Variants in RSU1 observed in about 807,000 individuals in gnomAD.
The protein encoded by RSU1 is Ras suppressor protein 1.
In RSU1, 26 loss-of-function variants were observed where a neutral mutation model predicts 31.1. That is an observed-to-expected ratio of 0.84 (90% CI 0.61 to 1.16). The LOEUF (loss-of-function observed/expected upper bound fraction) is 1.16. Among genes scored for constraint, RSU1 ranks in the 50% most tolerant of loss-of-function variants. The pLI is 0.00. For missense variants in RSU1, 320 were observed against 339.1 expected (o/e 0.94, Z 0.44); for synonymous variants, 164 against 136.3 (o/e 1.20, Z -1.41).
At chr10:16,619,306 G>A (rs371914221) in intron 8 of RSU1, among the ~76,000 whole-genome samples, 7 of 152,314 alleles carry the variant, frequency 4.6e-5, no homozygotes, top group African/African-American at 1.4e-4. Context: ...TCACCTCACA[G>A]TCTTCTCCAC....
At chr10:16,729,274 T>C (rs7893556) in intron 7 of RSU1, among the ~76,000 whole-genome samples, 95,755 of 152,130 alleles carry the variant, frequency 0.63, 31,684 homozygotes, top group East Asian at 0.84. Context: ...ACATTATTAG[T>C]GATATTGCAA....
chr10:16,757,603 G>C (rs1837124199), intron 4 of RSU1, among the ~76,000 whole-genome samples: 1 of 152,220 alleles, frequency 6.6e-6, no homozygotes, highest in African/African-American at 2.4e-5. Flanking sequence ...GTAAGATGGA[G>C]CTTGTCATTA....
chr10:16,633,516 A>G (rs532012034), intron 8 of RSU1, among the ~76,000 whole-genome samples: 2 of 152,202 alleles, frequency 1.3e-5, no homozygotes, highest in East Asian at 1.9e-4. Context: ...TCTTCTTATC[A>G]TGGAAGAAAG....
At chr10:16,665,080 A>C (rs763342107) in intron 8 of RSU1, among the ~76,000 whole-genome samples, 1 of 152,172 alleles carries the variant, frequency 6.6e-6, no homozygotes, top group Middle Eastern at 3.4e-3. Context: ...AGTAGCTGGG[A>C]TTACAGGCGC....
chr10:16,695,157 T>TGGTG lies in RSU1; in HGVS notation c.599-3_599-2insCACC. 8.3e-7 allele frequency: 1 copy of TGGTG among 1,202,572 alleles called. No homozygotes were observed. Among genetic ancestry groups the TGGTG allele is most frequent in the Non-Finnish European group, 1.1e-6 (1 of 890,704 alleles). The allele number at this position is 1,202,572 out of a possible 1,614,324, so 74.5% of individuals were successfully genotyped here. A position where few individuals can be genotyped will look rare whatever the true frequency, so the allele number is the denominator to read the frequency against. ...TCTGGCCAGTTAAATCCAAGTTTCC[T>TGGTG]GGGGGGGGGGAAAAAAAAAGTGAAG... On this transcript the variant is annotated splice_polypyrimidine_tract_variant and splice_region_variant and intron_variant, in intron 7 of 8. Transcript: ENST00000345264.
chr10:16,688,379 G>A (rs1197819005), intron 8 of RSU1, among the ~76,000 whole-genome samples: 1 of 152,120 alleles, frequency 6.6e-6, no homozygotes, highest in Admixed American at 6.5e-5. Flanking sequence ...GGCCGAGGCG[G>A]ACGGGTCACG....
intron 7 of RSU1, among the ~76,000 whole-genome samples, chr10:16,698,480 T>C (rs1564322032): frequency 1.3e-5 from 2 of 152,114 alleles, no homozygotes; most frequent in Non-Finnish European, 2.9e-5. Context: ...GTCTTTTCAG[T>C]GGTAATCCTC....
intron 2 of RSU1, among the ~76,000 whole-genome samples, chr10:16,798,635 T>C (rs1272423345): frequency 6.6e-6 from 1 of 152,214 alleles, no homozygotes. Context: ...ATTAAACCTC[T>C]TTCCTTCATA....
At chr10:16,732,348 T>C (rs988753637) in intron 7 of RSU1, among the ~76,000 whole-genome samples, 1 of 152,196 alleles carries the variant, frequency 6.6e-6, no homozygotes, top group Non-Finnish European at 1.5e-5. Context: ...TAAGTGCTAA[T>C]GTGATGGTAT....
At chr10:16,686,966 G>C (rs1212671543) in intron 8 of RSU1, among the ~76,000 whole-genome samples, 1 of 152,188 alleles carries the variant, frequency 6.6e-6, no homozygotes, top group Admixed American at 6.5e-5. Context: ...AAGGAGCATA[G>C]GGTTTTTTCT....
At chr10:16,797,093 G>A (rs1284513777) in intron 2 of RSU1, among the ~76,000 whole-genome samples, 1 of 152,206 alleles carries the variant, frequency 6.6e-6, no homozygotes, top group African/African-American at 2.4e-5. Context: ...CTGCAGTAGG[G>A]TCTGATGGAT....
intron 7 of RSU1, chr10:16,721,522 G>T (rs1016739232): frequency 6.6e-6 from 1 of 152,174 alleles, no homozygotes; most frequent in African/African-American, 2.4e-5. Flanking sequence ...CCAAACACAG[G>T]CTTCCTGGCA....
At chr10:16,638,086 A>C (rs1834377254) in intron 8 of RSU1, among the ~76,000 whole-genome samples, 3 of 152,158 alleles carry the variant, frequency 2.0e-5, no homozygotes. Flanking sequence ...AGAAGATTGT[A>C]GCGATGTACT....
At chr10:16,717,838 A>C (rs1473706314) in intron 7 of RSU1, among the ~76,000 whole-genome samples, 2 of 152,070 alleles carry the variant, frequency 1.3e-5, no homozygotes, top group East Asian at 1.9e-4. Context: ...TCCTAACACA[A>C]AAAAAACGCA....
chr10:16,697,056 C>G (rs1222252152), intron 7 of RSU1, among the ~76,000 whole-genome samples: 1 of 152,080 alleles, frequency 6.6e-6, no homozygotes, highest in Non-Finnish European at 1.5e-5. Context: ...AAGAAGCCAT[C>G]CCTTTAAAAA....
At chr10:16,625,834 T>C (rs1484515198) in intron 8 of RSU1, among the ~76,000 whole-genome samples, 1 of 152,074 alleles carries the variant, frequency 6.6e-6, no homozygotes, top group Non-Finnish European at 1.5e-5. Flanking sequence ...AACACAAGAT[T>C]GAAATCAATC....
intron 8 of RSU1, among the ~76,000 whole-genome samples, chr10:16,668,212 A>G (rs1194017904): frequency 2.6e-5 from 4 of 152,220 alleles, no homozygotes; most frequent in African/African-American, 9.6e-5. Context: ...TAAGTATTCA[A>G]TGAACATTAG....
At chr10:16,802,511 T>C (rs1838179567) in intron 2 of RSU1, among the ~76,000 whole-genome samples, 1 of 152,146 alleles carries the variant, frequency 6.6e-6, no homozygotes, top group Non-Finnish European at 1.5e-5. Flanking sequence ...GAAGAAATTA[T>C]ACCAATTCTC....
At position 16,643,731 on chromosome 10, in the gene RSU1, G is replaced by A. The variant is rs554972981; in HGVS notation, c.732-50235C>T. ...ACTTGGAACATGGTTCTCCAAATGC[G>A]CATACTAAGAGCACCTGCCTTAAAG... On this transcript the variant is annotated intron_variant, in intron 8 of 8. Coordinates refer to ENST00000345264, the MANE Select transcript of RSU1 (RefSeq NM_012425.4). Among the ~76,000 whole-genome samples, 5 of 152,030 alleles carry A rather than the reference G, an allele frequency of 3.3e-5. No individual in the cohort carries two copies. In the South Asian group the frequency reaches 6.2e-4, roughly 19 times the overall value.
Sources: gnomAD v4.1 joint callset for allele counts (sites outside exome capture counted in the v4.1 genomes callset) on GRCh38, gnomAD v4.1.1 for gene constraint, MANE v1.5 for transcripts, NCBI Gene and HGNC (gene_info 2026-07-23, HGNC 2026-07-21) for gene names.